The following EVC2 variants were observed in gnomAD, a reference collection of about 807,000 sequenced individuals.
The protein encoded by EVC2 is limbin.
A neutral mutation model predicts 149.3 loss-of-function variants in EVC2; 148 were observed. That is an observed-to-expected ratio of 0.99 (90% confidence interval 0.87 to 1.14). The LOEUF (loss-of-function observed/expected upper bound fraction) is 1.14, where lower values mean the gene tolerates loss of function less well. EVC2 is among the 50% of genes most tolerant of loss of function. The probability of loss-of-function intolerance (pLI) is 0.00; values close to 1 mark genes in which losing one functional copy is unlikely to be tolerated. For missense variants in EVC2, 1,854 were observed against 1,627.3 expected (o/e 1.14, Z -2.40); for synonymous variants, 776 against 649.9 (o/e 1.19, Z -2.95).
At chr4:5,615,604 T>C in intron 15 of EVC2, 60 bp from the exon 16 acceptor site, 1 of 1,612,694 alleles carries the variant, frequency 6.2e-7, no homozygotes, top group South Asian at 1.1e-5. Flanking sequence ...TCCATGCAGC[T>C]CCCCCGAGGG....
At chr4:5,645,251 T>C (rs76080908) in intron 9 of EVC2, among the ~76,000 whole-genome samples, 6 of 14,182 alleles carry the variant, frequency 4.2e-4, no homozygotes, top group African/African-American at 1.4e-3. Flanking sequence ...ATCCACCTCT[T>C]TTTTTTTTTT....
chr4:5,583,510 G>A (rs1021097553), intron 17 of EVC2, among the ~76,000 whole-genome samples: 7 of 152,102 alleles, frequency 4.6e-5, no homozygotes, highest in African/African-American at 1.7e-4. Flanking sequence ...AGATTTTAAA[G>A]TACTGAATCA....
intron 7 of EVC2, among the ~76,000 whole-genome samples, chr4:5,680,343 A>G (rs1328154785): frequency 6.6e-6 from 1 of 152,224 alleles, no homozygotes; most frequent in African/African-American, 2.4e-5. Context: ...GATTGGCAGC[A>G]CAGTAGGTTT....
At chr4:5,583,678 T>C (rs952585535) in intron 17 of EVC2, among the ~76,000 whole-genome samples, 5 of 152,166 alleles carry the variant, frequency 3.3e-5, no homozygotes, top group Non-Finnish European at 7.3e-5. Context: ...CTCTACTGCA[T>C]CTATAGTCGT....
chr4:5,564,850 C>T (rs2108766861), intron 21 of EVC2, among the ~76,000 whole-genome samples: 1 of 152,314 alleles, frequency 6.6e-6, no homozygotes, highest in South Asian at 2.1e-4. Context: ...ATCTCATGAC[C>T]ACTGTTTACC....
the EVC2 span, among the ~76,000 whole-genome samples, chr4:5,530,410 GTTTA>G: frequency 3.9e-5 from 6 of 152,078 alleles, no homozygotes; most frequent in Non-Finnish European, 7.3e-5. Flanking sequence ...TAGGATAGTT[GTTTA>G]TTTATTATTG....
intron 1 of EVC2, among the ~76,000 whole-genome samples, chr4:5,699,132 G>A (rs2151741185): frequency 6.6e-6 from 1 of 152,316 alleles, no homozygotes. Context: ...CGGAGATGGA[G>A]ACTCCTGGAG....
chr4:5,539,357 C>A (rs1037650680), downstream of EVC2, among the ~76,000 whole-genome samples: 3 of 123,976 alleles, frequency 2.4e-5, no homozygotes, highest in African/African-American at 8.0e-5. Context: ...TGTAAATTCT[C>A]CCTAAACTGA....
intron 21 of EVC2, among the ~76,000 whole-genome samples, chr4:5,556,784 T>A (rs1721847450): frequency 6.6e-6 from 1 of 152,120 alleles, no homozygotes; most frequent in South Asian, 2.1e-4. Context: ...AAAAGCATCA[T>A]AAAAGAATGC....
chr4:5,589,056 G>C (rs1269937893), intron 16 of EVC2, among the ~76,000 whole-genome samples: 1 of 152,172 alleles, frequency 6.6e-6, no homozygotes, highest in African/African-American at 2.4e-5. Context: ...TCTCATGCCT[G>C]GTACTTTTTA....
At chr4:5,683,878 G>A (rs1010005313) in intron 6 of EVC2, among the ~76,000 whole-genome samples, 31 of 150,016 alleles carry the variant, frequency 2.1e-4, no homozygotes, top group South Asian at 8.6e-4. Flanking sequence ...ACAGCTGCCC[G>A]GGAACACACA....
In EVC2 at chr4:5,618,812, C is replaced by A. The variant is rs1715472702; in HGVS notation, c.2502-130G>T. The A allele has an allele frequency of 7.0e-6, 6 of 852,116 alleles. No homozygotes were observed. Among genetic ancestry groups the A allele is most frequent in the Non-Finnish European group, 9.6e-6 (5 of 519,824 alleles). The allele number at this position is 852,116 out of a possible 1,614,324, so 52.8% of individuals were successfully genotyped here. ...GCAGAAAAAGCACTGGCTCCTTAAT[C>A]ATGCATTCCTGCCACAGGCATTCCT... is the stretch of plus-strand genomic sequence containing the variant. On this transcript the variant is annotated intron_variant, in intron 14 of 21. Coordinates refer to ENST00000344408, the MANE Select transcript of EVC2 (RefSeq NM_147127.5). This position sits in a 1 kb window ranked among gnomAD's most constrained non-coding sequence, Gnocchi z 4.4.
rs1005743364 is a variant in EVC2, at chr4:5,549,770, G to C, written c.3420-6558C>G. 2.0e-5 allele frequency among the ~76,000 whole-genome samples: 3 copies of C among 152,140 alleles called. 1 individual carries two copies. In the South Asian group the frequency reaches 6.2e-4, roughly 32 times the overall value. Reference sequence around the variant, plus strand: ...TGAATTTTATGGCATAAGACAACAGGCCCTGCTCACTCTTCCTTCCCTTTA... The same window carrying C: ...TGAATTTTATGGCATAAGACAACAGCCCCTGCTCACTCTTCCTTCCCTTTA... On this transcript the variant is annotated intron_variant and NMD_transcript_variant, in intron 21 of 22. Transcript: ENST00000475313.
rs761924204 is a variant in EVC2 at position 5,562,959 on chromosome 4, G to C, written c.3816C>G (p.Leu1272=). Residue 1272 remains leucine, a synonymous_variant, in exon 22 of 22, where the codon CTC becomes CTG. Transcript: ENST00000344408. This position sits in a 1 kb window ranked among gnomAD's most constrained non-coding sequence, Gnocchi z 4.3. ...TIDLLNTGEK[L]FIFRNPKEPE... ...GCTCCTTTGGATTTCTGAATATAAAGAGCTTCTCTCCTGTGTTTAATAGAT... is the reference window on the plus strand; with the variant it reads ...GCTCCTTTGGATTTCTGAATATAAACAGCTTCTCTCCTGTGTTTAATAGAT... 2.5e-6 allele frequency: 4 copies of C among 1,614,118 alleles called. No homozygotes were observed. The highest frequency in any genetic ancestry group is 1.1e-5 in the South Asian group (1 of 91,078).
At chr4:5,690,327 A>T (rs1721029429) in intron 4 of EVC2, among the ~76,000 whole-genome samples, 1 of 152,100 alleles carries the variant, frequency 6.6e-6, no homozygotes, top group Non-Finnish European at 1.5e-5. Flanking sequence ...AGGAGAAAGG[A>T]CTGGCCCTTG....
intron 16 of EVC2, among the ~76,000 whole-genome samples, chr4:5,593,574 A>G (rs1577130718): frequency 1.3e-5 from 2 of 152,290 alleles, no homozygotes; most frequent in East Asian, 1.9e-4. Flanking sequence ...GAAGATTCCC[A>G]TTCTAGGGGG....
intron 16 of EVC2, among the ~76,000 whole-genome samples, chr4:5,588,407 GCTT>G (rs1330388081): frequency 1.3e-5 from 2 of 152,112 alleles, no homozygotes; most frequent in Non-Finnish European, 2.9e-5. Flanking sequence ...GATACACTGA[GCTT>G]CTTAAATCTG....
At chr4:5,667,016 T>G (rs1165596074) in intron 7 of EVC2, among the ~76,000 whole-genome samples, 1 of 152,144 alleles carries the variant, frequency 6.6e-6, no homozygotes, top group Non-Finnish European at 1.5e-5. Context: ...TTTAGAAGAA[T>G]CTGTTTTTGT....
At chr4:5,538,639 T>G (rs1721461864), downstream of EVC2, among the ~76,000 whole-genome samples, 1 of 152,154 alleles carries the variant, frequency 6.6e-6, no homozygotes, top group Admixed American at 6.5e-5. Flanking sequence ...CAAGTTGAGT[T>G]TATCCCAAGA....
Sources: allele counts gnomAD v4.1 joint callset (sites outside exome capture counted in the v4.1 genomes callset), GRCh38; gene constraint gnomAD v4.1.1; non-coding constraint Gnocchi (gnomAD v3.1); transcripts MANE v1.5; gene names NCBI Gene and HGNC (gene_info 2026-07-23, HGNC 2026-07-21).